The following CDC42BPA variants were observed in gnomAD, a reference collection of about 807,000 sequenced individuals.
CDC42BPA encodes serine/threonine-protein kinase MRCK alpha.
A neutral mutation model predicts 223.5 loss-of-function variants in CDC42BPA; 80 were observed. The ratio of observed to expected loss-of-function variants is 0.36; its 90% CI spans 0.30 to 0.43. CDC42BPA has a LOEUF of 0.43. Ranked by LOEUF, CDC42BPA falls within the 20% of genes least tolerant of loss-of-function variation. The pLI is 1.00. For synonymous variants in CDC42BPA, 694 were observed against 718.6 expected, an observed-to-expected ratio of 0.97 and a Z score of 0.55; for missense variants, 1,743 against 2,099.9, an observed-to-expected ratio of 0.83 and a Z score of 3.32.
intron 22 of CDC42BPA, 71 bp from the exon 23 acceptor site, chr1:227,048,081 A>C (rs1385296134): frequency 1.1e-6 from 1 of 888,040 alleles, no homozygotes; most frequent in Non-Finnish European, 1.7e-6. Flanking sequence ...AACTAGAAAG[A>C]AGCCAAAATA....
At chr1:227,263,668 G>A (rs1159845788) in intron 1 of CDC42BPA, among the ~76,000 whole-genome samples, 3 of 149,076 alleles carry the variant, frequency 2.0e-5, no homozygotes, top group Admixed American at 6.8e-5. Context: ...TGCAGTCTCC[G>A]CCTCCCAGGT....
At chr1:227,008,134 T>C (rs933782858) in intron 34 of CDC42BPA, among the ~76,000 whole-genome samples, 1 of 152,256 alleles carries the variant, frequency 6.6e-6, no homozygotes, top group African/African-American at 2.4e-5. Context: ...AGTTAGGTGC[T>C]GAAAGATATT....
chr1:227,222,506 G>A (rs1676113554), intron 2 of CDC42BPA, among the ~76,000 whole-genome samples: 1 of 149,518 alleles, frequency 6.7e-6, no homozygotes, highest in Admixed American at 6.6e-5. Flanking sequence ...CTCAAACAAA[G>A]AAACAACAAC....
At chr1:227,132,966 G>T (rs1201999253) in intron 10 of CDC42BPA, among the ~76,000 whole-genome samples, 1 of 149,512 alleles carries the variant, frequency 6.7e-6, no homozygotes, top group Non-Finnish European at 1.5e-5. Context: ...GAGGAGCCCC[G>T]CCGTCCGGCA....
At chr1:227,222,261 C>A (rs1209524310) in intron 2 of CDC42BPA, among the ~76,000 whole-genome samples, 2 of 151,430 alleles carry the variant, frequency 1.3e-5, no homozygotes, top group Admixed American at 1.3e-4. Context: ...GTAATCCCAG[C>A]ACTTTGGGAG....
At chr1:227,168,497 G>GTTTTTTGTTTTT (rs1665477711) in intron 5 of CDC42BPA, among the ~76,000 whole-genome samples, 2 of 80,196 alleles carry the variant, frequency 2.5e-5, no homozygotes, top group Admixed American at 1.5e-4. Context: ...CTTCCCTGGT[G>GTTTTTTGTTTTT]TTTTTTTTTT....
chr1:227,237,590 G>C (rs533187157), intron 2 of CDC42BPA, among the ~76,000 whole-genome samples: 1 of 152,030 alleles, frequency 6.6e-6, no homozygotes, highest in Non-Finnish European at 1.5e-5. Flanking sequence ...TTATTCAACC[G>C]GTTGCCTAAT....
chr1:227,196,810 T>A (rs1670835991), intron 4 of CDC42BPA, among the ~76,000 whole-genome samples: 5 of 152,208 alleles, frequency 3.3e-5, no homozygotes, highest in Admixed American at 3.3e-4. Flanking sequence ...TTTTCCTTTT[T>A]TTCCTCAACC....
intron 1 of CDC42BPA, among the ~76,000 whole-genome samples, chr1:227,284,936 C>T (rs1394039793): frequency 1.1e-5 from 1 of 94,834 alleles, no homozygotes; most frequent in Non-Finnish European, 2.3e-5. Flanking sequence ...CAATCTGTCA[C>T]TGGGTGACAG....
At chr1:227,139,917 T>C (rs1659380440) in intron 9 of CDC42BPA, among the ~76,000 whole-genome samples, 175 bp from the exon 10 acceptor site, 1 of 152,192 alleles carries the variant, frequency 6.6e-6, no homozygotes, top group African/African-American at 2.4e-5. Flanking sequence ...CTGGAATAAT[T>C]ATAAAAATTT....
At chr1:227,297,965 TATA>T (rs1558984878) in intron 1 of CDC42BPA, among the ~76,000 whole-genome samples, 2 of 83,456 alleles carry the variant, frequency 2.4e-5, no homozygotes, top group African/African-American at 1.0e-4. Flanking sequence ...TATATATACA[TATA>T]CACACACACA....
chr1:227,133,440 G>A (rs1657771319), intron 10 of CDC42BPA, among the ~76,000 whole-genome samples: 3 of 152,200 alleles, frequency 2.0e-5, no homozygotes, highest in African/African-American at 4.8e-5. Flanking sequence ...CCTCTGCCCG[G>A]CCACGACCCC....
At chr1:227,216,096 T>G (rs570751810) in intron 2 of CDC42BPA, among the ~76,000 whole-genome samples, 2 of 151,110 alleles carry the variant, frequency 1.3e-5, no homozygotes, top group Admixed American at 6.6e-5. Context: ...TATTAAAGTA[T>G]GTACACTGTG....
intron 10 of CDC42BPA, among the ~76,000 whole-genome samples, chr1:227,135,650 C>A (rs931314345): frequency 1.3e-5 from 2 of 151,780 alleles, no homozygotes; most frequent in Admixed American, 1.3e-4. Context: ...GTCAGGAGAT[C>A]GAGACTATCC....
chr1:227,012,639 T>A (rs1234513135), intron 34 of CDC42BPA, among the ~76,000 whole-genome samples: 1 of 152,182 alleles, frequency 6.6e-6, no homozygotes, highest in Non-Finnish European at 1.5e-5. Context: ...CTGGGACACA[T>A]GCTCTCTGAA....
intron 10 of CDC42BPA, among the ~76,000 whole-genome samples, chr1:227,133,014 G>T (rs1464095343): frequency 1.1e-4 from 17 of 151,440 alleles, no homozygotes; most frequent in Non-Finnish European, 7.4e-5. Flanking sequence ...TCTCCGCCCG[G>T]CAGCCACCCC....
chr1:227,029,662 A>C (rs1044257705), intron 29 of CDC42BPA, among the ~76,000 whole-genome samples: 3 of 113,098 alleles, frequency 2.7e-5, no homozygotes, highest in African/African-American at 8.0e-5. Flanking sequence ...AAAACTTAGA[A>C]TACTGTATTT....
intron 1 of CDC42BPA, among the ~76,000 whole-genome samples, chr1:227,297,702 AT>A (rs1690881578): frequency 6.6e-6 from 1 of 152,100 alleles, no homozygotes; most frequent in Non-Finnish European, 1.5e-5. Flanking sequence ...ATATTAAATG[AT>A]TCCACTTATA....
intron 1 of CDC42BPA, among the ~76,000 whole-genome samples, chr1:227,267,421 G>A (rs1278863063): frequency 6.6e-6 from 1 of 152,160 alleles, no homozygotes; most frequent in Non-Finnish European, 1.5e-5. Context: ...AATGTTTGCT[G>A]GCCCTTAAGC....
Sources: gnomAD v4.1 joint callset for allele counts (sites outside exome capture counted in the v4.1 genomes callset) on GRCh38, gnomAD v4.1.1 for gene constraint, MANE v1.5 for transcripts, NCBI Gene and HGNC (gene_info 2026-07-23, HGNC 2026-07-21) for gene names.